RASA3: variants seen among roughly 807,000 people sequenced by gnomAD.
RASA3 encodes ras GTPase-activating protein 3.
Under a neutral mutation model 110.0 loss-of-function variants are expected in RASA3, and 73 were observed. The ratio of observed to expected loss-of-function variants is 0.66; its 90% CI spans 0.55 to 0.81. The LOEUF is 0.81. RASA3 is among the 30% of genes least tolerant of loss of function. The pLI is 0.00. For synonymous variants in RASA3, 500 were observed against 451.4 expected (o/e 1.11, Z -1.37); for missense variants, 976 against 1,113.2 (o/e 0.88, Z 1.75).
intron 4 of RASA3, among the ~76,000 whole-genome samples, chr13:114,030,555 C>G (rs114275920): frequency 0.054 from 5,434 of 101,496 alleles, 397 homozygotes; most frequent in African/African-American, 0.13. Context: ...CTCACACAGA[C>G]AGCAAGGCTC....
intron 1 of RASA3, among the ~76,000 whole-genome samples, chr13:114,088,730 A>T (rs765779063): frequency 6.6e-6 from 1 of 152,062 alleles, no homozygotes; most frequent in Non-Finnish European, 1.5e-5. Context: ...TTGTATTTCT[A>T]TTAGAGACAA....
chr13:114,081,852 C>T (rs991895551), intron 1 of RASA3, among the ~76,000 whole-genome samples: 1 of 152,208 alleles, frequency 6.6e-6, no homozygotes, highest in Non-Finnish European at 1.5e-5. Context: ...CCCCAGGGCC[C>T]CCGTGTTCCT....
In RASA3 at chr13:114,073,809, C is replaced by CG; in HGVS notation, c.83dup (p.Pro30AlafsTer39). The CG allele has an allele frequency of 6.2e-7, 1 of 1,614,186 alleles. No homozygotes were observed. Among genetic ancestry groups the CG allele is most frequent in the South Asian group, 1.1e-5 (1 of 91,082 alleles). On this transcript the variant is annotated frameshift_variant, in exon 2 of 24. Coordinates refer to ENST00000334062, the MANE Select transcript of RASA3 (RefSeq NM_007368.4). LOFTEE classifies it high-confidence loss of function. Reference sequence around the variant, plus strand: ...AGCAATCCCTCATCTTGCTCGGCCCCGGGTAAGAGGGAAGGTTTTTGGCTT... The same window carrying CG: ...AGCAATCCCTCATCTTGCTCGGCCCCGGGGTAAGAGGGAAGGTTTTTGGCTT...
At chr13:114,094,726 A>G (rs2139717306) in intron 1 of RASA3, among the ~76,000 whole-genome samples, 1 of 152,384 alleles carries the variant, frequency 6.6e-6, no homozygotes, top group South Asian at 2.1e-4. Context: ...GAAAGGGTAT[A>G]AATAAATACT....
chr13:114,130,462 G>A (rs1270344504), intron 1 of RASA3, among the ~76,000 whole-genome samples: 1 of 152,202 alleles, frequency 6.6e-6, no homozygotes, highest in Non-Finnish European at 1.5e-5. Flanking sequence ...TGTTTAAAGT[G>A]GAGCACAGAG....
chr13:114,030,668 G>A (rs1167665856), intron 4 of RASA3, among the ~76,000 whole-genome samples: 1 of 152,252 alleles, frequency 6.6e-6, no homozygotes, highest in East Asian at 1.9e-4. Context: ...CCACCTGTCT[G>A]TCTGTGTGCA....
Position 113,977,970 on chromosome 13 carries a change from T to G in RASA3, c.*1377A>C, listed in dbSNP as rs2052812393. The G allele has an allele frequency of 6.6e-6, 1 of 152,226 alleles. No individual in the cohort carries two copies. Among genetic ancestry groups the G allele is most frequent in the Non-Finnish European group, 1.5e-5 (1 of 68,038 alleles). The allele number at this position is 152,226 out of a possible 1,614,324, so 9.4% of individuals were successfully genotyped here. On this transcript the variant is annotated 3_prime_UTR_variant, in exon 24 of 24. Coordinates refer to ENST00000334062, the MANE Select transcript of RASA3 (RefSeq NM_007368.4). ...CTCCAGTATTTTTGTGACAAGAAAG[T>G]TCCTATCTGCCATCTAGATCAAGAG... is the stretch of plus-strand genomic sequence containing the variant.
intron 1 of RASA3, among the ~76,000 whole-genome samples, chr13:114,107,037 G>A (rs956258748): frequency 2.6e-5 from 4 of 152,206 alleles, no homozygotes; most frequent in Non-Finnish European, 5.9e-5. Flanking sequence ...TGGTGTGCAC[G>A]CCCACACCTC....
At chr13:114,050,769 C>T (rs9562107) in intron 3 of RASA3, among the ~76,000 whole-genome samples, 15,825 of 152,294 alleles carry the variant, frequency 0.1, 1,142 homozygotes, top group African/African-American at 0.18. Flanking sequence ...CTCTCAACGT[C>T]GTGCTGACAC....
rs192143073 is a variant in RASA3 at position 114,124,976 on chromosome 13, C to T, written c.55+7459G>A. On this transcript the variant is annotated intron_variant, in intron 1 of 23. Transcript: ENST00000334062. ...TGTATTCCTGTCTCTCTTCCTACCA[C>T]AGCACTCCTGCCATCCCACAGGTAA... is the stretch of plus-strand genomic sequence containing the variant. Among the ~76,000 whole-genome samples, 162 of 152,318 alleles carry T rather than the reference C, an allele frequency of 1.1e-3. 4 individuals carry two copies. Among genetic ancestry groups the T allele is most frequent in the Admixed American group, 8.2e-3 (126 of 15,306 alleles).
At chr13:114,040,966 G>A in intron 4 of RASA3, 34 bp downstream of exon 4, 2 of 1,603,676 alleles carry the variant, frequency 1.2e-6, no homozygotes, top group Non-Finnish European at 8.5e-7. Context: ...GTGTCCCAGG[G>A]CTCTGGTTTC....
At chr13:114,000,770 G>A (rs973181678) in intron 19 of RASA3, 56 bp downstream of exon 19, 2 of 1,310,850 alleles carry the variant, frequency 1.5e-6, no homozygotes, top group East Asian at 2.3e-5. Flanking sequence ...AGCAGACTCA[G>A]TCCCAGGGCC....
chr13:114,020,586 G>T (rs945442680), intron 9 of RASA3, among the ~76,000 whole-genome samples: 2 of 152,226 alleles, frequency 1.3e-5, no homozygotes, highest in African/African-American at 4.8e-5. Context: ...GGGAGTGCAC[G>T]CTTCCCGTGA....
intron 1 of RASA3, among the ~76,000 whole-genome samples, chr13:114,100,580 T>C (rs1430721068): frequency 6.6e-6 from 1 of 152,172 alleles, no homozygotes; most frequent in Non-Finnish European, 1.5e-5. Context: ...CCAAGACAAG[T>C]GCAGCAGCCG....
intron 2 of RASA3, among the ~76,000 whole-genome samples, chr13:114,064,465 G>A (rs117429618): frequency 0.056 from 8,545 of 152,244 alleles, 349 homozygotes; most frequent in Non-Finnish European, 0.089. Context: ...ACTCCCAGGT[G>A]CAAAGCCCAG....
intron 1 of RASA3, among the ~76,000 whole-genome samples, chr13:114,113,671 G>A (rs2080245538): frequency 8.6e-6 from 1 of 116,228 alleles, no homozygotes; most frequent in Non-Finnish European, 1.8e-5. Context: ...ACCCACCATG[G>A]CGAGTGATGT....
At chr13:114,061,973 G>A (rs955628000) in intron 2 of RASA3, among the ~76,000 whole-genome samples, 1 of 152,164 alleles carries the variant, frequency 6.6e-6, no homozygotes, top group Admixed American at 6.5e-5. Context: ...GGGACATGGT[G>A]GGCAGGGGGC....
At chr13:114,081,826 G>A (rs1207351463) in intron 1 of RASA3, among the ~76,000 whole-genome samples, 1 of 152,116 alleles carries the variant, frequency 6.6e-6, no homozygotes, top group African/African-American at 2.4e-5. Flanking sequence ...GAGACACACC[G>A]GTGCTGCACA....
intron 22 of RASA3, among the ~76,000 whole-genome samples, chr13:113,992,198 G>T (rs1473992276): frequency 1.3e-5 from 2 of 152,136 alleles, no homozygotes. Context: ...GAAAACAAAG[G>T]AATGAAAAAA....
Sources: allele counts gnomAD v4.1 joint callset (sites outside exome capture counted in the v4.1 genomes callset), GRCh38; gene constraint gnomAD v4.1.1; transcripts MANE v1.5; gene names NCBI Gene and HGNC (gene_info 2026-07-23, HGNC 2026-07-21).